Variants in POLE observed in about 807,000 individuals in gnomAD.
The protein encoded by POLE is DNA polymerase epsilon, catalytic subunit.
POLE carries 188 observed loss-of-function variants against 279.2 expected under a neutral mutation model. That is an observed-to-expected ratio of 0.67 (90% CI 0.60 to 0.76). POLE has a LOEUF of 0.76. Ranked by LOEUF, POLE falls within the 30% of genes least tolerant of loss-of-function variation. POLE has a pLI of 0.00. For synonymous variants in POLE, 1,214 were observed against 1,172.5 expected (o/e 1.04, Z -0.72); for missense variants, 2,703 against 3,016.7 (o/e 0.90, Z 2.44).
Position 132,664,532 on chromosome 12 carries a change from G to T in POLE, c.2469-70C>A. The T allele has an allele frequency of 8.8e-7, 1 of 1,132,670 alleles. No individual in the cohort carries two copies. The highest frequency in any genetic ancestry group is 1.3e-6 in the Non-Finnish European group (1 of 751,008). The allele number at this position is 1,132,670 out of a possible 1,614,324, so 70.2% of individuals were successfully genotyped here. On this transcript the variant is annotated intron_variant, in intron 21 of 48. Coordinates refer to ENST00000320574, the MANE Select transcript of POLE (RefSeq NM_006231.4). The surrounding 1 kb of genome is among the most constrained non-coding windows in gnomAD (Gnocchi z 5.3). ...TCCAGGGGGTATCAGAGGCAGTGAG[G>T]AGTAGGGAGGAGGAAAGGAGAGATG...
In POLE at chr12:132,634,220, G is replaced by C. The variant is rs780933064; in HGVS notation, c.5970C>G (p.Ala1990=). The C allele has an allele frequency of 6.2e-7, 1 of 1,613,886 alleles. No homozygotes were observed. The highest frequency in any genetic ancestry group is 1.3e-5 in the African/African-American group (1 of 74,944). The change falls in exon 43 of 49, where the codon GCC becomes GCG. Residue 1990 remains alanine, a synonymous_variant. Transcript: ENST00000320574. The surrounding 1 kb of genome is among the most constrained non-coding windows in gnomAD (Gnocchi z 4.0). ...TCATGAGGAAGTAGTTCTGGCAGGA[G>C]GCTGCCTGTGGCAAAAACTGCAAAA... ...WNILQFLPQA[A]SCQNYFLMIV...
chr12:132,678,133 G>A (rs1192052744), intron 6 of POLE, among the ~76,000 whole-genome samples: 1 of 152,084 alleles, frequency 6.6e-6, no homozygotes, highest in African/African-American at 2.4e-5. Context: ...AACCCAGATT[G>A]CGCCACTGCA....
chr12:132,646,756 C>T (rs1002781902), intron 32 of POLE, among the ~76,000 whole-genome samples: 2 of 151,966 alleles, frequency 1.3e-5, no homozygotes, highest in African/African-American at 2.4e-5. Context: ...TTCTTGAACC[C>T]GGGAGGCGGA....
chr12:132,664,408 G>A lies in POLE; in HGVS notation c.2523C>T (p.Asn841=), dbSNP rs1278621028. ...TCAGCTCCCGTGCCTGGGTGATGAT[G>A]TTGGCCCCTGTGAAGCAGACGATGC... ...MAGIVCFTGA[N]IITQARELIE... Residue 841 remains asparagine (N), a synonymous_variant, in exon 22 of 49, where the codon AAC becomes AAT. Transcript: ENST00000320574. The surrounding 1 kb of genome is among the most constrained non-coding windows in gnomAD (Gnocchi z 5.3). The A allele has an allele frequency of 3.7e-6, 6 of 1,614,076 alleles. No homozygotes were observed. Among genetic ancestry groups the A allele is most frequent in the Non-Finnish European group, 5.1e-6 (6 of 1,180,026 alleles).
rs1057523958 is a variant in POLE at position 132,649,092 on chromosome 12, T to A, written c.4006-20A>T. 2 of 1,607,990 alleles carry A rather than the reference T, an allele frequency of 1.2e-6. No individual in the cohort carries two copies. The highest frequency in any genetic ancestry group is 1.7e-6 in the Non-Finnish European group (2 of 1,177,974). On this transcript the variant is annotated intron_variant, in intron 31 of 48. Transcript: ENST00000320574. ...GCTGATCTGAAAGGCCACACGGACA[T>A]ACAGCACATCACAGGACACACTGGA...
At chr12:132,660,229 T>G (rs1175571022) in intron 25 of POLE, 1 of 153,700 alleles carries the variant, frequency 6.5e-6, no homozygotes, top group Non-Finnish European at 1.4e-5. Context: ...CAGCTGGAGC[T>G]GTGCTTTGCA....
In POLE at chr12:132,642,679, C is replaced by A. The variant is rs542995085; in HGVS notation, c.4779G>T (p.Leu1593=). Residue 1593 remains leucine (L), a synonymous_variant, in exon 37 of 49, where the codon CTG becomes CTT. Transcript: ENST00000320574. ...TLIAVQSSWE[L]KRLASEIPVL... ...CAGGAATTTCACTGGCCAGCCTCTT[C>A]AGCTCCCAGCTGGACTGAACAGCGA... The A allele has an allele frequency of 3.3e-5, 54 of 1,613,774 alleles. 1 individual carries two copies. The highest frequency in any genetic ancestry group is 1.0e-5 in the Non-Finnish European group (12 of 1,180,052).
intron 29 of POLE, chr12:132,650,872 C>CTTTTTTTTTTTT (rs372563000): frequency 4.6e-5 from 5 of 108,666 alleles, no homozygotes; most frequent in Admixed American, 1.1e-4. Context: ...AACTTGTTTC[C>CTTTTTTTTTTTT]TTTTTTTTTT....
In POLE at chr12:132,680,190, A is replaced by G. The variant is rs770759936; in HGVS notation, c.318T>C (p.Ile106=). Residue 106 remains isoleucine (I), a synonymous_variant, in exon 4 of 49, where the codon ATT becomes ATC. Coordinates refer to ENST00000320574, the MANE Select transcript of POLE (RefSeq NM_006231.4). ...GAAACACACTCACCTTTCTGGTCGC[A>G]ATGTAGAAATACGGTTTATAGGGCA... ...VALPYKPYFY[I]ATRKGCEREV... The G allele has an allele frequency of 3.2e-5, 51 of 1,614,180 alleles. 2 individuals carry two copies. The Middle Eastern group carries it at 6.3e-3, about 198-fold the overall frequency.
At position 132,675,449 on chromosome 12, in the gene POLE, T is replaced by C. The variant is rs878854840; in HGVS notation, c.1175A>G (p.Asp392Gly). The change falls in exon 12 of 49, where the codon GAC becomes GGC. Residue 392 changes from aspartate (D) to glycine (G), a missense_variant. Physicochemically the swap from Asp to Gly is moderately conservative, Grantham distance 94 (BLOSUM62 -1). Coordinates refer to ENST00000320574, the MANE Select transcript of POLE (RefSeq NM_006231.4). This position sits in a 1 kb window ranked among gnomAD's most constrained non-coding sequence, Gnocchi z 4.3. ...GGGCGCCTTGTACTCCCCCTGGCTG[T>C]CCTTCTGGAAGCCTATCTCCTGCTG... ...SMQQEIGFQK[D>G]SQGEYKAPQC... 5.0e-6 allele frequency: 8 copies of C among 1,614,170 alleles called. No individual in the cohort carries two copies. Among genetic ancestry groups the C allele is most frequent in the Non-Finnish European group, 6.8e-6 (8 of 1,180,014 alleles).
At chr12:132,669,430 C>T (rs2042874187) in intron 16 of POLE, among the ~76,000 whole-genome samples, 1 of 151,562 alleles carries the variant, frequency 6.6e-6, no homozygotes, top group African/African-American at 2.4e-5. Context: ...CACCACTGCA[C>T]TCCAGCCTGG....
Position 132,668,820 on chromosome 12 carries a change from GT to G in POLE, c.1913del (p.Asn638ThrfsTer154), listed in dbSNP as rs901959427. On this transcript the variant is annotated frameshift_variant, in exon 17 of 49. Coordinates refer to ENST00000320574, the MANE Select transcript of POLE (RefSeq NM_006231.4). LOFTEE classifies it high-confidence loss of function. The surrounding 1 kb of genome is among the most constrained non-coding windows in gnomAD (Gnocchi z 4.0). ...GAMYPNIILT[N>X]RLQPSAMVDE... ...GGAAGTAAAGTCTCACCTGCAGGCG[GT>G]TGGTCAGGATGATGTTGGGGTACAT... 6.2e-7 allele frequency: 1 copy of G among 1,614,076 alleles called. No homozygotes were observed. The highest frequency in any genetic ancestry group is 1.3e-5 in the African/African-American group (1 of 74,926).
At chr12:132,637,869 T>A (rs1189289740) in intron 41 of POLE, 145 bp downstream of exon 41, 3 of 850,922 alleles carry the variant, frequency 3.5e-6, no homozygotes, top group Non-Finnish European at 5.2e-6. Flanking sequence ...AACCCCCTTT[T>A]CACGCTGCTC....
Position 132,624,417 on chromosome 12 carries a change from C to T in POLE, c.*280G>A. ...CAACAGAGGCCTGGAAAAGCATTCA[C>T]TGCGTGAGAAACGGCGCCCAGGGCA... On this transcript the variant is annotated 3_prime_UTR_variant, in exon 49 of 49. Coordinates refer to ENST00000320574, the MANE Select transcript of POLE (RefSeq NM_006231.4). 3.8e-6 allele frequency: 2 copies of T among 524,872 alleles called. No individual in the cohort carries two copies. Among genetic ancestry groups the T allele is most frequent in the Non-Finnish European group, 3.4e-6 (1 of 290,126 alleles). 32.5% of individuals were successfully genotyped at this position (524,872 alleles called of 1,614,324 possible). A position where few individuals can be genotyped will look rare whatever the true frequency, so the allele number is the denominator to read the frequency against.
Position 132,673,225 on chromosome 12 carries a change from A to T in POLE, c.1412T>A (p.Met471Lys), listed in dbSNP as rs2042971039. 6.2e-7 allele frequency: 1 copy of T among 1,613,930 alleles called. No individual in the cohort carries two copies. The highest frequency in any genetic ancestry group is 1.1e-5 in the South Asian group (1 of 91,080). ...AAAGATGAATGGGTGGACGTACTTC[A>T]TGTACAGGTAGTAAGTGGCGACAGC... ...SDAVATYYLY[M>K]KYVHPFIFAL... The change falls in exon 14 of 49, where the codon ATG becomes AAG. Residue 471 changes from methionine (M) to lysine (K), a missense_variant. Physicochemically the swap from Met to Lys is moderately conservative, Grantham distance 95. This residue lies in a region of POLE where 1,011 missense variants were observed against 1,111.7 expected (regional missense o/e 0.91). Coordinates refer to ENST00000320574, the MANE Select transcript of POLE (RefSeq NM_006231.4).
At position 132,624,827 on chromosome 12, in the gene POLE, GCA is replaced by G. The variant is rs1381834587; in HGVS notation, c.6748-19_6748-18del. On this transcript the variant is annotated intron_variant, in intron 48 of 48. Coordinates refer to ENST00000320574, the MANE Select transcript of POLE (RefSeq NM_006231.4). Reference sequence around the variant, plus strand: ...CATGAAGACCTGCAGGAATAAACAGGCACAGTGAGACCCCAGTCCACTCAGAG... The same window carrying G: ...CATGAAGACCTGCAGGAATAAACAGGCAGTGAGACCCCAGTCCACTCAGAG... 6.3e-7 allele frequency: 1 copy of G among 1,595,562 alleles called. No homozygotes were observed. Among genetic ancestry groups the G allele is most frequent in the Admixed American group, 1.7e-5 (1 of 59,982 alleles).
intron 23 of POLE, among the ~76,000 whole-genome samples, chr12:132,662,180 G>A (rs969136146): frequency 6.6e-6 from 1 of 152,204 alleles, no homozygotes; most frequent in Non-Finnish European, 1.5e-5. Flanking sequence ...TGGGCCAAAT[G>A]AGCCCAACAG....
chr12:132,677,544 C>G (rs528739648), intron 7 of POLE, 34 bp downstream of exon 7: 1 of 1,613,386 alleles, frequency 6.2e-7, no homozygotes, highest in East Asian at 2.2e-5. Flanking sequence ...TTAGGAAATT[C>G]ATGTGAGCAG....
At position 132,668,448 on chromosome 12, in the gene POLE, T is replaced by G. The variant is rs777341185; in HGVS notation, c.2081A>C (p.Lys694Thr). 6.2e-7 allele frequency: 1 copy of G among 1,612,568 alleles called. No homozygotes were observed. The highest frequency in any genetic ancestry group is 8.5e-7 in the Non-Finnish European group (1 of 1,179,166). ...CCCCTCTGGGAACAAGGGGGGGAACTTCTCTGACTCCAGCTGGTGCTGGAT... is the reference window on the plus strand; with the variant it reads ...CCCCTCTGGGAACAAGGGGGGGAACGTCTCTGACTCCAGCTGGTGCTGGAT... Reference protein sequence around the residue: ...HRIQHQLESEKFPPLFPEGPA... With the variant: ...HRIQHQLESETFPPLFPEGPA... Residue 694 changes from lysine (K) to threonine (T), a missense_variant, in exon 19 of 49, where the codon AAG (lysine) becomes ACG (threonine). Physicochemically the swap from Lys to Thr is moderately conservative, Grantham distance 78. This residue lies in a region of POLE where 1,011 missense variants were observed against 1,111.7 expected (regional missense o/e 0.91). Coordinates refer to ENST00000320574, the MANE Select transcript of POLE (RefSeq NM_006231.4). This position sits in a 1 kb window ranked among gnomAD's most constrained non-coding sequence, Gnocchi z 4.0.
Sources: gnomAD v4.1 joint callset for allele counts (sites outside exome capture counted in the v4.1 genomes callset) on GRCh38, gnomAD v4.1.1 for gene constraint, gnomAD v4.1.1 regional missense constraint, Gnocchi (gnomAD v3.1) non-coding constraint, MANE v1.5 for transcripts, NCBI Gene and HGNC (gene_info 2026-07-23, HGNC 2026-07-21) for gene names.